EPHA7: variants seen among roughly 807,000 people sequenced by gnomAD.
EPHA7 encodes the protein EPH receptor A7.
In EPHA7, 25 loss-of-function variants were observed where a neutral mutation model predicts 112.6. The observed-to-expected ratio is 0.22, with a 90% CI of 0.16 to 0.31. EPHA7 has a LOEUF of 0.31. Among genes scored for constraint, EPHA7 ranks in the 10% least tolerant of loss-of-function variants. The probability of loss-of-function intolerance (pLI) is 1.00; values close to 1 mark genes in which losing one functional copy is unlikely to be tolerated. For missense variants in EPHA7, 962 were observed against 1,212.6 expected (o/e 0.79, Z 3.07); for synonymous variants, 437 against 406.5 (o/e 1.07, Z -0.90).
intron 3 of EPHA7, among the ~76,000 whole-genome samples, chr6:93,406,710 AT>A (rs1039497582): frequency 2.6e-5 from 4 of 151,862 alleles, no homozygotes; most frequent in Admixed American, 2.0e-4. Flanking sequence ...GTCTATGCAA[AT>A]CCAAGTTATA....
rs1769670897 is a variant in EPHA7, at chr6:93,241,111, C to T, written c.*2315G>A. ...CTTCTACTCAAGAAAGACTACTCAA[C>T]TATAAATCTAGTGCTAGAAAAAAGC... On this transcript the variant is annotated 3_prime_UTR_variant, in exon 17 of 17. Transcript: ENST00000369303. The T allele has an allele frequency of 4.9e-6, 1 of 204,140 alleles. No homozygotes were observed. The highest frequency in any genetic ancestry group is 1.9e-4 in the South Asian group (1 of 5,256). 12.6% of individuals were successfully genotyped at this position (204,140 alleles called of 1,614,324 possible).
Position 93,262,197 on chromosome 6 carries a change from T to A in EPHA7, c.1798+1663A>T, listed in dbSNP as rs1252063123. 2.6e-5 allele frequency among the ~76,000 whole-genome samples: 4 copies of A among 151,556 alleles called. No homozygotes were observed. In the East Asian group the frequency reaches 7.8e-4, roughly 30 times the overall value. On this transcript the variant is annotated intron_variant, in intron 9 of 16. Coordinates refer to ENST00000369303, the MANE Select transcript of EPHA7 (RefSeq NM_004440.4). ...ATCTGCTCCTTCCTGTCTGGGGAAGTGTTAAAAATATTCTCACATGTTATT... is the reference window on the plus strand; with the variant it reads ...ATCTGCTCCTTCCTGTCTGGGGAAGAGTTAAAAATATTCTCACATGTTATT...
intron 3 of EPHA7, among the ~76,000 whole-genome samples, chr6:93,362,284 C>T (rs1392595518): frequency 6.6e-6 from 1 of 151,986 alleles, no homozygotes; most frequent in Non-Finnish European, 1.5e-5. Flanking sequence ...GTATTATTTA[C>T]TGCAATATAT....
intron 3 of EPHA7, among the ~76,000 whole-genome samples, chr6:93,363,328 T>C (rs1301567907): frequency 3.9e-5 from 6 of 152,108 alleles, no homozygotes; most frequent in African/African-American, 1.4e-4. Context: ...TTAGATATTA[T>C]CAATAATTTT....
chr6:93,331,889 T>G (rs957562252), intron 5 of EPHA7, among the ~76,000 whole-genome samples: 1 of 151,618 alleles, frequency 6.6e-6, no homozygotes, highest in Non-Finnish European at 1.5e-5. Flanking sequence ...AGGCTTTCAT[T>G]ATATAACTCT....
At chr6:93,309,447 T>G (rs2127861745) in intron 5 of EPHA7, among the ~76,000 whole-genome samples, 1 of 152,186 alleles carries the variant, frequency 6.6e-6, no homozygotes, top group Non-Finnish European at 1.5e-5. Flanking sequence ...TGGGCACAAT[T>G]TTTTTTTCAG....
chr6:93,295,011 CTG>C (rs2127841832), intron 5 of EPHA7, among the ~76,000 whole-genome samples: 1 of 149,732 alleles, frequency 6.7e-6, no homozygotes, highest in Admixed American at 6.7e-5. Flanking sequence ...CTTTTTGAAA[CTG>C]AGGGGGGAAG....
chr6:93,408,031 A>C (rs1778800480), intron 3 of EPHA7, among the ~76,000 whole-genome samples: 1 of 152,072 alleles, frequency 6.6e-6, no homozygotes, highest in Non-Finnish European at 1.5e-5. Flanking sequence ...CTTAACAAAT[A>C]AATGAGTTAA....
intron 5 of EPHA7, among the ~76,000 whole-genome samples, chr6:93,314,862 T>TC (rs1170130422): frequency 8.6e-5 from 12 of 139,000 alleles, no homozygotes; most frequent in Admixed American, 5.0e-4. Flanking sequence ...AATTTTCTTT[T>TC]TTTTTTTTTT....
intron 5 of EPHA7, among the ~76,000 whole-genome samples, chr6:93,311,112 C>CTTTTTTTTTTTTTTTTTTTT (rs1434719790): frequency 1.4e-5 from 1 of 71,028 alleles, no homozygotes; most frequent in African/African-American, 6.7e-5. Flanking sequence ...TCATGCCCAG[C>CTTTTTTTTTTTTTTTTTTTT]TATTTTTTTT....
At chr6:93,260,561 T>C (rs1770641098) in intron 9 of EPHA7, 2 of 947,960 alleles carry the variant, frequency 2.1e-6, no homozygotes, top group Non-Finnish European at 2.5e-6. Context: ...ATATATTTCT[T>C]TATATATTAC....
chr6:93,335,576 A>G (rs950959154), intron 5 of EPHA7, among the ~76,000 whole-genome samples: 1 of 152,122 alleles, frequency 6.6e-6, no homozygotes, highest in African/African-American at 2.4e-5. Flanking sequence ...GATGTAGAAT[A>G]GTAGTGGGAA....
At chr6:93,290,348 T>C (rs1225068075) in intron 5 of EPHA7, among the ~76,000 whole-genome samples, 1 of 152,146 alleles carries the variant, frequency 6.6e-6, no homozygotes, top group Non-Finnish European at 1.5e-5. Context: ...TTTAATATAA[T>C]GCTGTCATGG....
chr6:93,353,735 AT>A lies in EPHA7; in HGVS notation c.1324+2981del, dbSNP rs919105621. ...GGAAGGTAGATATTATTTTATCCCC[AT>A]TTTTTTTTTCATGAGGAGTTTAGTG... On this transcript the variant is annotated intron_variant, in intron 5 of 16. Transcript: ENST00000369303. Among the ~76,000 whole-genome samples, 15 of 148,268 alleles carry A rather than the reference AT, an allele frequency of 1.0e-4. No individual in the cohort carries two copies. In the South Asian group the frequency reaches 1.7e-3, roughly 17 times the overall value.
intron 1 of EPHA7, among the ~76,000 whole-genome samples, chr6:93,416,688 T>C (rs994709776): frequency 2.6e-5 from 4 of 152,144 alleles, no homozygotes; most frequent in Admixed American, 6.5e-5. Flanking sequence ...CGACCTCCCT[T>C]TGCGCCCGCG....
chr6:93,266,091 CAGA>C (rs1457476851), intron 7 of EPHA7, among the ~76,000 whole-genome samples: 5 of 151,626 alleles, frequency 3.3e-5, no homozygotes, highest in South Asian at 2.1e-4. Flanking sequence ...GTTAAAAAAA[CAGA>C]AGAAGAAAAC....
At chr6:93,387,433 C>G (rs1777666394) in intron 3 of EPHA7, among the ~76,000 whole-genome samples, 1 of 152,126 alleles carries the variant, frequency 6.6e-6, no homozygotes, top group Non-Finnish European at 1.5e-5. Flanking sequence ...TTTCCCACAT[C>G]TTCCTGTCTT....
intron 5 of EPHA7, among the ~76,000 whole-genome samples, chr6:93,274,393 G>C (rs1326602913): frequency 2.6e-5 from 4 of 151,724 alleles, no homozygotes; most frequent in Non-Finnish European, 1.5e-5. Context: ...GATGATTTTT[G>C]CAAGTTATAC....
At chr6:93,409,163 T>G (rs549688077) in intron 3 of EPHA7, among the ~76,000 whole-genome samples, 1 of 152,182 alleles carries the variant, frequency 6.6e-6, no homozygotes, top group African/African-American at 2.4e-5. Context: ...TCTACTAGAA[T>G]GAGAATTTTA....
Sources: gnomAD v4.1 joint callset for allele counts (sites outside exome capture counted in the v4.1 genomes callset) on GRCh38, gnomAD v4.1.1 for gene constraint, MANE v1.5 for transcripts, NCBI Gene and HGNC (gene_info 2026-07-23, HGNC 2026-07-21) for gene names.